The following NLGN1 variants were observed in gnomAD, a reference collection of about 807,000 sequenced individuals.
NLGN1 encodes the protein neuroligin-1.
NLGN1 carries 12 observed loss-of-function variants against 65.5 expected under a neutral mutation model. The ratio of observed to expected loss-of-function variants is 0.18; its 90% CI spans 0.12 to 0.30. The LOEUF is 0.30. NLGN1 is among the 10% of genes least tolerant of loss of function. The pLI, the probability that NLGN1 is intolerant of heterozygous loss-of-function variation, is 1.00. For synonymous variants in NLGN1, 350 were observed against 359.5 expected, an observed-to-expected ratio of 0.97 and a Z score of 0.30; for missense variants, 750 against 1,007.1, an observed-to-expected ratio of 0.74 and a Z score of 3.46.
At chr3:173,703,539 A>G (rs1384013512) in intron 3 of NLGN1, among the ~76,000 whole-genome samples, 1 of 152,208 alleles carries the variant, frequency 6.6e-6, no homozygotes, top group Non-Finnish European at 1.5e-5. Flanking sequence ...GCTGGATTAC[A>G]TAAGTATCAG....
chr3:174,237,770 TG>T, intron 4 of NLGN1, among the ~76,000 whole-genome samples: 1 of 152,192 alleles, frequency 6.6e-6, no homozygotes, highest in South Asian at 2.1e-4. Context: ...TTGGCCAGGC[TG>T]GTCTCAAACT....
chr3:174,243,216 G>A (rs1275425477), intron 4 of NLGN1, among the ~76,000 whole-genome samples: 1 of 152,096 alleles, frequency 6.6e-6, no homozygotes, highest in Admixed American at 6.5e-5. Context: ...TATGCCCTTT[G>A]CCTATTGCTT....
chr3:173,858,995 A>G lies in NLGN1; in HGVS notation c.646+51163A>G, dbSNP rs546693008. Among the ~76,000 whole-genome samples the G allele has an allele frequency of 3.9e-5, 6 of 152,206 alleles. No homozygotes were observed. In the South Asian group the frequency reaches 1.2e-3, roughly 32 times the overall value. On this transcript the variant is annotated intron_variant, in intron 4 of 6. Transcript: ENST00000457714. ...AGCTTTTGTATTAGAGAAAATCATA[A>G]TGTAAATTAATGATGTTTCTCTCTG...
chr3:173,913,285 A>G (rs1311236520), intron 4 of NLGN1, among the ~76,000 whole-genome samples: 2 of 152,198 alleles, frequency 1.3e-5, no homozygotes, highest in African/African-American at 4.8e-5. Flanking sequence ...AAGATTGATT[A>G]AAAGGTGTGG....
chr3:173,608,521 TA>T (rs1483716727), intron 3 of NLGN1, among the ~76,000 whole-genome samples: 2 of 151,610 alleles, frequency 1.3e-5, no homozygotes, highest in East Asian at 3.9e-4. Flanking sequence ...AAAAGTATAT[TA>T]CTCTGTCTGT....
chr3:174,222,173 TTAA>T (rs1354311305), intron 4 of NLGN1, among the ~76,000 whole-genome samples: 1 of 152,146 alleles, frequency 6.6e-6, no homozygotes, highest in African/African-American at 2.4e-5. Flanking sequence ...AGTGTTTCTA[TTAA>T]TGAGTTATTG....
intron 2 of NLGN1, among the ~76,000 whole-genome samples, chr3:173,465,353 C>A (rs942879201): frequency 1.2e-4 from 18 of 152,190 alleles, no homozygotes; most frequent in Non-Finnish European, 2.5e-4. Context: ...ACAACTGACT[C>A]ATCTTGCAGC....
At chr3:173,414,736 G>T (rs1713331307) in intron 1 of NLGN1, among the ~76,000 whole-genome samples, 3 of 152,130 alleles carry the variant, frequency 2.0e-5, no homozygotes, top group Admixed American at 2.0e-4. Flanking sequence ...AGAAAGGGAG[G>T]ATGATTTAAG....
chr3:173,504,814 C>G (rs1319047165), intron 2 of NLGN1, among the ~76,000 whole-genome samples: 1 of 152,072 alleles, frequency 6.6e-6, no homozygotes, highest in Non-Finnish European at 1.5e-5. Context: ...ATCTTTTCTT[C>G]CTACCATTCC....
chr3:173,433,983 G>A (rs1311179546), intron 1 of NLGN1, among the ~76,000 whole-genome samples: 1 of 152,120 alleles, frequency 6.6e-6, no homozygotes, highest in Admixed American at 6.6e-5. Flanking sequence ...CCTTTTAAAA[G>A]TATTTAAGAA....
chr3:173,694,624 A>T (rs894375201), intron 3 of NLGN1, among the ~76,000 whole-genome samples: 2 of 152,208 alleles, frequency 1.3e-5, no homozygotes, highest in Admixed American at 1.3e-4. Flanking sequence ...CATATCCAGA[A>T]TGAAAACTTG....
intron 2 of NLGN1, among the ~76,000 whole-genome samples, chr3:173,518,135 G>A (rs1734151697): frequency 6.6e-6 from 1 of 152,118 alleles, no homozygotes; most frequent in African/African-American, 2.4e-5. Flanking sequence ...ACTGCCTTCA[G>A]GCAATGATAT....
intron 4 of NLGN1, among the ~76,000 whole-genome samples, chr3:173,991,853 C>T (rs1053809303): frequency 3.3e-5 from 5 of 152,018 alleles, no homozygotes; most frequent in African/African-American, 1.2e-4. Context: ...TGCTCTGTCC[C>T]CCAGGCTGGA....
intron 4 of NLGN1, among the ~76,000 whole-genome samples, chr3:173,901,379 G>T (rs1737353821): frequency 6.7e-6 from 1 of 149,144 alleles, no homozygotes; most frequent in Non-Finnish European, 1.5e-5. Flanking sequence ...GGGTGTGTGT[G>T]TGTGTGTTTA....
intron 4 of NLGN1, among the ~76,000 whole-genome samples, chr3:173,876,559 G>A (rs754379351): frequency 2.0e-5 from 3 of 152,062 alleles, no homozygotes; most frequent in Non-Finnish European, 2.9e-5. Flanking sequence ...AAATAGTGTG[G>A]TTTTAAAAGC....
At chr3:173,537,400 A>G (rs1430249786) in intron 2 of NLGN1, among the ~76,000 whole-genome samples, 1 of 152,160 alleles carries the variant, frequency 6.6e-6, no homozygotes. Context: ...TCTCCTTGAC[A>G]TTCCATAACT....
intron 4 of NLGN1, among the ~76,000 whole-genome samples, chr3:174,150,242 G>A (rs1002263471): frequency 3.3e-5 from 5 of 151,968 alleles, no homozygotes; most frequent in Non-Finnish European, 5.9e-5. Flanking sequence ...AATATATACT[G>A]GCACCTACAA....
At chr3:173,919,865 G>T (rs1375524896) in intron 4 of NLGN1, among the ~76,000 whole-genome samples, 1 of 151,762 alleles carries the variant, frequency 6.6e-6, no homozygotes, top group Non-Finnish European at 1.5e-5. Context: ...ATAAATAATA[G>T]ACATTTTTCT....
chr3:173,961,228 T>C (rs1199214394), intron 4 of NLGN1, among the ~76,000 whole-genome samples: 1 of 152,114 alleles, frequency 6.6e-6, no homozygotes, highest in Non-Finnish European at 1.5e-5. Flanking sequence ...CCCCATTCCT[T>C]CTTGCTTTTT....
Sources: allele counts gnomAD v4.1 joint callset (sites outside exome capture counted in the v4.1 genomes callset), GRCh38; gene constraint gnomAD v4.1.1; transcripts MANE v1.5; gene names NCBI Gene and HGNC (gene_info 2026-07-23, HGNC 2026-07-21).